NALCN: variants seen among roughly 807,000 people sequenced by gnomAD.
NALCN encodes the protein sodium leak channel, non-selective.
Under a neutral mutation model 225.3 loss-of-function variants are expected in NALCN, and 111 were observed. That is an observed-to-expected ratio of 0.49 (90% CI 0.42 to 0.58). NALCN has a LOEUF of 0.58. NALCN is among the 20% of genes least tolerant of loss of function. The pLI, the probability that NALCN is intolerant of heterozygous loss-of-function variation, is 0.00. For missense variants in NALCN, 1,378 were observed against 2,202.4 expected (o/e 0.63, Z 7.49); for synonymous variants, 764 against 769.0 (o/e 0.99, Z 0.11).
At chr13:101,340,850 A>AC (rs79516010) in intron 7 of NALCN, among the ~76,000 whole-genome samples, 15,856 of 152,154 alleles carry the variant, frequency 0.1, 1,229 homozygotes, top group East Asian at 0.36. Context: ...ATTTAGAAAG[A>AC]ATTGATTCCA....
intron 27 of NALCN, among the ~76,000 whole-genome samples, chr13:101,098,423 TGAC>T (rs760068101): frequency 6.6e-6 from 1 of 152,184 alleles, no homozygotes; most frequent in African/African-American, 2.4e-5. Flanking sequence ...TGACATTTAA[TGAC>T]TATTTGTCAA....
At chr13:101,397,688 T>C (rs527750391) in intron 2 of NALCN, among the ~76,000 whole-genome samples, 2 of 151,694 alleles carry the variant, frequency 1.3e-5, no homozygotes, top group African/African-American at 2.4e-5. Flanking sequence ...TCCATAAATA[T>C]ATGTATATTA....
At chr13:101,191,273 C>T (rs2039668698) in intron 14 of NALCN, among the ~76,000 whole-genome samples, 1 of 152,054 alleles carries the variant, frequency 6.6e-6, no homozygotes, top group Non-Finnish European at 1.5e-5. Context: ...AAGTCACAGG[C>T]TGCATTTCAT....
chr13:101,405,585 G>A (rs762895777), intron 1 of NALCN, among the ~76,000 whole-genome samples: 2 of 152,022 alleles, frequency 1.3e-5, no homozygotes, highest in African/African-American at 2.4e-5. Context: ...GCATGCTCAC[G>A]CTCTTCCTCT....
Position 101,284,037 on chromosome 13 carries a change from G to C in NALCN, c.1048-18C>G. 1 of 1,608,004 alleles carries C rather than the reference G, an allele frequency of 6.2e-7. No individual in the cohort carries two copies. The highest frequency in any genetic ancestry group is 8.5e-7 in the Non-Finnish European group (1 of 1,175,754). On this transcript the variant is annotated intron_variant, in intron 9 of 43. Coordinates refer to ENST00000251127, the MANE Select transcript of NALCN (RefSeq NM_052867.4). ...TGAAACATCTTCAAGACAAAGAAGG[G>C]AGATGAGTCAGAGACATTTAATATG...
chr13:101,300,743 G>A (rs2043934943), intron 7 of NALCN, among the ~76,000 whole-genome samples: 1 of 152,238 alleles, frequency 6.6e-6, no homozygotes, highest in Non-Finnish European at 1.5e-5. Flanking sequence ...CCTGAGGCTT[G>A]CCACGTGGCA....
rs190238838 is a variant in NALCN, at chr13:101,064,555, T to C, written c.4604+849A>G. ...TCTTATAAAAGGAGGAATTTGAACA[T>C]AGATACACACACACACACACACACA... On this transcript the variant is annotated intron_variant, in intron 40 of 43. Transcript: ENST00000251127. 6.5e-3 allele frequency among the ~76,000 whole-genome samples: 797 copies of C among 122,016 alleles called. 11 individuals carry two copies. The highest frequency in any genetic ancestry group is 0.022 in the African/African-American group (768 of 34,230). 80.0% of individuals were successfully genotyped at this position (122,016 alleles called of 152,430 possible). A position where few individuals can be genotyped will look rare whatever the true frequency, so the allele number is the denominator to read the frequency against.
intron 7 of NALCN, among the ~76,000 whole-genome samples, chr13:101,336,459 C>A (rs2045381167): frequency 6.6e-6 from 1 of 152,104 alleles, no homozygotes. Flanking sequence ...CTCAATCACC[C>A]TTTACCTTAG....
At chr13:101,268,158 T>C in intron 10 of NALCN, among the ~76,000 whole-genome samples, 1 of 152,206 alleles carries the variant, frequency 6.6e-6, no homozygotes, top group East Asian at 1.9e-4. Context: ...CGTGTTTACA[T>C]AGACATGTAT....
chr13:101,067,098 T>C (rs185331038), intron 39 of NALCN, among the ~76,000 whole-genome samples: 1 of 151,898 alleles, frequency 6.6e-6, no homozygotes, highest in African/African-American at 2.4e-5. Flanking sequence ...TTCACTGCTA[T>C]ATCCTCAGTG....
intron 15 of NALCN, among the ~76,000 whole-genome samples, chr13:101,149,190 G>A (rs1268535666): frequency 6.6e-6 from 1 of 152,050 alleles, no homozygotes; most frequent in Non-Finnish European, 1.5e-5. Context: ...CTACTAGGGA[G>A]GCTGAGGCAG....
At chr13:101,199,282 G>GTA (rs1315349273) in intron 13 of NALCN, among the ~76,000 whole-genome samples, 1 of 151,214 alleles carries the variant, frequency 6.6e-6, no homozygotes, top group Non-Finnish European at 1.5e-5. Context: ...AAAATTTAAA[G>GTA]TATAATAAAA....
intron 1 of NALCN, among the ~76,000 whole-genome samples, chr13:101,415,977 C>T (rs1280464389): frequency 6.6e-6 from 1 of 152,190 alleles, no homozygotes; most frequent in Non-Finnish European, 1.5e-5. Context: ...GTCGCCGGCC[C>T]TGGGCTTCCC....
Position 101,143,136 on chromosome 13 carries a change from A to G in NALCN, c.2062T>C (p.Ser688Pro), listed in dbSNP as rs763476930. 2 of 1,614,120 alleles carry G rather than the reference A, an allele frequency of 1.2e-6. No homozygotes were observed. Among genetic ancestry groups the G allele is most frequent in the Admixed American group, 1.7e-5 (1 of 60,004 alleles). Reference protein sequence around the residue: ...LRSLPTTSSSSCDHSKRSAIE... With the variant: ...LRSLPTTSSSPCDHSKRSAIE... ...GCTGAGCGTTTGGAGTGGTCGCAGG[A>G]GGAGGAAGAGGTGGTCGGGAGGCTT... Residue 688 changes from serine (S) to proline (P), a missense_variant, in exon 17 of 44, where the codon TCC (serine) becomes CCC (proline). Physicochemically the swap from Ser to Pro is moderately conservative, Grantham distance 74 (BLOSUM62 -1). Transcript: ENST00000251127.
At chr13:101,345,183 AG>A in intron 7 of NALCN, 82 bp downstream of exon 7, 3 of 1,349,808 alleles carry the variant, frequency 2.2e-6, no homozygotes, top group South Asian at 2.8e-5. Context: ...TCAAAATATT[AG>A]TATCAATTAT....
chr13:101,065,207 C>T (rs1161266438), intron 40 of NALCN, among the ~76,000 whole-genome samples, 197 bp downstream of exon 40: 3 of 152,226 alleles, frequency 2.0e-5, no homozygotes, highest in Non-Finnish European at 4.4e-5. Flanking sequence ...CCCTGCGAGG[C>T]ACCTACTTGG....
At chr13:101,363,703 C>T (rs1339936560) in intron 6 of NALCN, among the ~76,000 whole-genome samples, 1 of 151,974 alleles carries the variant, frequency 6.6e-6, no homozygotes, top group Non-Finnish European at 1.5e-5. Context: ...ATCTGAAAAG[C>T]ACAGGCAACT....
chr13:101,064,693 C>G (rs905915402), intron 40 of NALCN, among the ~76,000 whole-genome samples: 1 of 152,046 alleles, frequency 6.6e-6, no homozygotes, highest in Non-Finnish European at 1.5e-5. Context: ...AGAGGCTAGG[C>G]TAGATTCTCC....
intron 13 of NALCN, among the ~76,000 whole-genome samples, chr13:101,217,359 T>G (rs2040775826): frequency 6.6e-6 from 1 of 152,230 alleles, no homozygotes; most frequent in African/African-American, 2.4e-5. Context: ...ACAGGAACTG[T>G]TGCATATTGC....
Sources: allele counts gnomAD v4.1 joint callset (sites outside exome capture counted in the v4.1 genomes callset), GRCh38; gene constraint gnomAD v4.1.1; transcripts MANE v1.5; gene names NCBI Gene and HGNC (gene_info 2026-07-23, HGNC 2026-07-21).